Variants in GSK3B observed in about 807,000 individuals in gnomAD.
The protein encoded by GSK3B is glycogen synthase kinase-3 beta.
Under a neutral mutation model 56.4 loss-of-function variants are expected in GSK3B, and 15 were observed. The observed-to-expected ratio is 0.27, with a 90% confidence interval of 0.18 to 0.41. GSK3B has a LOEUF of 0.41. Ranked by LOEUF, GSK3B falls within the 10% of genes least tolerant of loss-of-function variation. The pLI is 1.00. For missense variants in GSK3B, 300 were observed against 513.4 expected (o/e 0.58, Z 4.02); for synonymous variants, 181 against 188.9 (o/e 0.96, Z 0.34).
At chr3:119,866,077 C>G (rs1202537213) in intron 8 of GSK3B, among the ~76,000 whole-genome samples, 1 of 152,068 alleles carries the variant, frequency 6.6e-6, no homozygotes, top group Non-Finnish European at 1.5e-5. Flanking sequence ...GGGGTCAAAA[C>G]CCAGTATCTC....
chr3:120,063,523 T>G (rs1383987356), intron 1 of GSK3B, among the ~76,000 whole-genome samples: 1 of 147,084 alleles, frequency 6.8e-6, no homozygotes, highest in East Asian at 2.0e-4. Context: ...GGTCAGGAGG[T>G]AGAGACCAGC....
At chr3:119,971,180 AG>A (rs2057363203) in intron 2 of GSK3B, among the ~76,000 whole-genome samples, 1 of 152,182 alleles carries the variant, frequency 6.6e-6, no homozygotes, top group African/African-American at 2.4e-5. Flanking sequence ...TTTGGACCTC[AG>A]AATGCTGTAG....
intron 5 of GSK3B, among the ~76,000 whole-genome samples, chr3:119,913,069 A>G (rs1163524262): frequency 1.3e-5 from 2 of 152,148 alleles, no homozygotes; most frequent in Non-Finnish European, 2.9e-5. Context: ...GCAAAAAAGG[A>G]TAAGTGTTGA....
intron 7 of GSK3B, among the ~76,000 whole-genome samples, chr3:119,893,432 G>A (rs2056526823): frequency 6.6e-6 from 1 of 152,090 alleles, no homozygotes; most frequent in African/African-American, 2.4e-5. Flanking sequence ...TTCTTGGGGT[G>A]CAATATTTCT....
At chr3:119,957,166 A>T (rs2057222401) in intron 2 of GSK3B, among the ~76,000 whole-genome samples, 1 of 152,224 alleles carries the variant, frequency 6.6e-6, no homozygotes, top group Admixed American at 6.5e-5. Context: ...AATGTTCTGG[A>T]AATTTATGAT....
intron 8 of GSK3B, among the ~76,000 whole-genome samples, chr3:119,873,840 C>T (rs1338444697): frequency 6.6e-6 from 1 of 152,024 alleles, no homozygotes; most frequent in African/African-American, 2.4e-5. Context: ...TTACATAATG[C>T]ATGTGTATGA....
At chr3:119,923,504 A>G in intron 3 of GSK3B, 21 bp from the exon 4 acceptor site, 1 of 1,168,898 alleles carries the variant, frequency 8.6e-7, no homozygotes, top group Non-Finnish European at 1.2e-6. Context: ...TTATTTAAAA[A>G]AACAAAAAAC....
At chr3:119,876,006 T>G (rs2056307497) in intron 8 of GSK3B, among the ~76,000 whole-genome samples, 1 of 152,144 alleles carries the variant, frequency 6.6e-6, no homozygotes, top group Admixed American at 6.6e-5. Context: ...CCATCTATAA[T>G]AAGATATATG....
chr3:119,988,703 A>G (rs1313642100), intron 2 of GSK3B, among the ~76,000 whole-genome samples: 2 of 152,200 alleles, frequency 1.3e-5, no homozygotes, highest in Non-Finnish European at 2.9e-5. Flanking sequence ...TCACCAACTC[A>G]TAGATATTTG....
At chr3:120,074,042 C>T (rs1026464605) in intron 1 of GSK3B, among the ~76,000 whole-genome samples, 8 of 152,152 alleles carry the variant, frequency 5.3e-5, no homozygotes, top group African/African-American at 1.2e-4. Flanking sequence ...CCGCTGCTCA[C>T]GACTGTAATC....
In GSK3B at chr3:119,825,164, A is replaced by T. The variant is rs1022626454; in HGVS notation, c.*1624T>A. The T allele has an allele frequency of 9.1e-6, 2 of 218,826 alleles. No homozygotes were observed. The highest frequency in any genetic ancestry group is 4.5e-5 in the African/African-American group (2 of 44,584). 13.6% of individuals were successfully genotyped at this position (218,826 alleles called of 1,614,324 possible). Reference sequence around the variant, plus strand: ...TGTAAAGTACAACTGATTGTGCCTTAAAGATTCATAGGTCAAGTAATGGCC... The same window carrying T: ...TGTAAAGTACAACTGATTGTGCCTTTAAGATTCATAGGTCAAGTAATGGCC... On this transcript the variant is annotated 3_prime_UTR_variant, in exon 11 of 11. Coordinates refer to ENST00000264235, the MANE Select transcript of GSK3B (RefSeq NM_001146156.2).
intron 3 of GSK3B, among the ~76,000 whole-genome samples, chr3:119,932,801 T>G (rs1468392436): frequency 6.6e-6 from 1 of 152,142 alleles, no homozygotes; most frequent in African/African-American, 2.4e-5. Flanking sequence ...AAAAAACCAG[T>G]ATTCAAACAG....
intron 1 of GSK3B, among the ~76,000 whole-genome samples, chr3:120,074,355 T>C (rs1274504458): frequency 1.3e-5 from 2 of 149,086 alleles, no homozygotes; most frequent in East Asian, 1.9e-4. Flanking sequence ...TGAGAAACTT[T>C]TTTTTTTTTT....
intron 5 of GSK3B, among the ~76,000 whole-genome samples, chr3:119,913,995 TG>T (rs2056759293): frequency 6.6e-6 from 1 of 152,090 alleles, no homozygotes; most frequent in South Asian, 2.1e-4. Flanking sequence ...ATGCTAATTA[TG>T]TTCAGAAAAT....
At chr3:119,919,317 T>C (rs992858784) in intron 4 of GSK3B, among the ~76,000 whole-genome samples, 2 of 152,160 alleles carry the variant, frequency 1.3e-5, no homozygotes, top group Non-Finnish European at 2.9e-5. Flanking sequence ...TTACTACTTT[T>C]ATATCGCTCT....
chr3:119,941,522 G>A (rs893496700), intron 3 of GSK3B, among the ~76,000 whole-genome samples: 5 of 152,032 alleles, frequency 3.3e-5, no homozygotes, highest in Admixed American at 2.0e-4. Context: ...CTTACTTAAC[G>A]GCTGTTGTAT....
At chr3:119,888,344 C>G (rs1432432806) in intron 7 of GSK3B, among the ~76,000 whole-genome samples, 1 of 152,082 alleles carries the variant, frequency 6.6e-6, no homozygotes, top group African/African-American at 2.4e-5. Flanking sequence ...TTATCAGTTC[C>G]CAAATAATAC....
intron 2 of GSK3B, among the ~76,000 whole-genome samples, chr3:119,995,042 A>G (rs781763212): frequency 1.3e-5 from 2 of 150,766 alleles, no homozygotes; most frequent in Non-Finnish European, 3.0e-5. Flanking sequence ...TCAGGAAATA[A>G]TATGTGTAGC....
intron 4 of GSK3B, among the ~76,000 whole-genome samples, chr3:119,917,924 T>C (rs557107514): frequency 1.3e-5 from 2 of 152,216 alleles, no homozygotes; most frequent in Admixed American, 1.3e-4. Context: ...CAACTTATCA[T>C]GGGCTGGGCA....
Sources: gnomAD v4.1 joint callset for allele counts (sites outside exome capture counted in the v4.1 genomes callset) on GRCh38, gnomAD v4.1.1 for gene constraint, MANE v1.5 for transcripts, NCBI Gene and HGNC (gene_info 2026-07-23, HGNC 2026-07-21) for gene names.